The following DNMBP variants were observed in gnomAD, a reference collection of about 807,000 sequenced individuals.
DNMBP encodes dynamin binding protein, also known as dynamin-binding protein.
A neutral mutation model predicts 150.0 loss-of-function variants in DNMBP; 87 were observed. The observed-to-expected ratio is 0.58, with a 90% CI of 0.49 to 0.69. DNMBP has a LOEUF of 0.69. Among genes scored for constraint, DNMBP ranks in the 30% least tolerant of loss-of-function variants. The pLI, the probability that DNMBP is intolerant of heterozygous loss-of-function variation, is 0.00. For missense variants in DNMBP, 1,774 were observed against 1,949.0 expected (o/e 0.91, Z 1.69); for synonymous variants, 711 against 750.4 (o/e 0.95, Z 0.86).
At chr10:99,965,286 A>G (rs1421507813) in intron 3 of DNMBP, among the ~76,000 whole-genome samples, 1 of 152,154 alleles carries the variant, frequency 6.6e-6, no homozygotes, top group Non-Finnish European at 1.5e-5. Context: ...CACAGCTATT[A>G]AGTGGTGGAC....
At chr10:99,924,950 A>G (rs1269343671) in intron 4 of DNMBP, among the ~76,000 whole-genome samples, 1 of 152,096 alleles carries the variant, frequency 6.6e-6, no homozygotes, top group Non-Finnish European at 1.5e-5. Flanking sequence ...TCATATCCTT[A>G]TCACCACTGC....
intron 1 of DNMBP, among the ~76,000 whole-genome samples, chr10:100,005,395 G>A (rs1157626732): frequency 6.6e-6 from 1 of 152,082 alleles, no homozygotes; most frequent in African/African-American, 2.4e-5. Context: ...CAAACAGCAT[G>A]GGGTATAAAT....
chr10:99,939,590 T>C (rs1236012570), intron 4 of DNMBP, among the ~76,000 whole-genome samples: 2 of 152,250 alleles, frequency 1.3e-5, no homozygotes, highest in Non-Finnish European at 2.9e-5. Flanking sequence ...TAGTTTACAG[T>C]TGAAATGGAA....
At position 99,956,915 on chromosome 10, in the gene DNMBP, A is replaced by G; in HGVS notation, c.559T>C (p.Leu187=). 11 of 1,613,890 alleles carry G rather than the reference A, an allele frequency of 6.8e-6. No individual in the cohort carries two copies. Among genetic ancestry groups the G allele is most frequent in the Non-Finnish European group, 9.3e-6 (11 of 1,179,996 alleles). The part of the protein sequence containing the change: ...VPEPGWFEGE[L]EGRRGIFPEG... The stretch of plus-strand genomic sequence containing the variant: ...GGAAAAATGCCTCTTCGGCCCTCTA[A>G]CTCCCCTTCAAACCAGCCTGGTTCA... The change falls in exon 4 of 17, where the codon TTA becomes CTA. Residue 187 remains leucine, a synonymous_variant. Coordinates refer to ENST00000324109, the MANE Select transcript of DNMBP (RefSeq NM_015221.4).
chr10:99,883,731 C>T (rs1035268961), intron 15 of DNMBP, among the ~76,000 whole-genome samples: 3 of 150,764 alleles, frequency 2.0e-5, no homozygotes, highest in African/African-American at 4.9e-5. Flanking sequence ...AACAGGATTC[C>T]GTGAGGCAGG....
At chr10:99,909,243 G>A (rs2039871192) in intron 4 of DNMBP, 97 bp from the exon 5 acceptor site, 1 of 919,386 alleles carries the variant, frequency 1.1e-6, no homozygotes, top group Non-Finnish European at 1.6e-6. Flanking sequence ...GAGAACCAAA[G>A]GTCTCACTAT....
At chr10:100,004,020 C>T (rs1299125899) in intron 1 of DNMBP, among the ~76,000 whole-genome samples, 1 of 151,408 alleles carries the variant, frequency 6.6e-6, no homozygotes, top group African/African-American at 2.4e-5. Context: ...TTGCTGGAGC[C>T]CGGGAGTTCA....
At chr10:99,892,159 C>T (rs1256096168) in intron 11 of DNMBP, among the ~76,000 whole-genome samples, 5 of 141,914 alleles carry the variant, frequency 3.5e-5, no homozygotes, top group Admixed American at 3.4e-4. Context: ...CCGCCCCGTC[C>T]AGGAGGGAGG....
At chr10:99,984,048 G>A (rs1006499062) in intron 1 of DNMBP, among the ~76,000 whole-genome samples, 2 of 152,198 alleles carry the variant, frequency 1.3e-5, no homozygotes, top group Admixed American at 6.5e-5. Flanking sequence ...TCACAGTACA[G>A]TAGTTTTAAC....
Position 99,955,838 on chromosome 10 carries a change from T to C in DNMBP, c.1636A>G (p.Thr546Ala). 2 of 1,614,250 alleles carry C rather than the reference T, an allele frequency of 1.2e-6. No homozygotes were observed. Among genetic ancestry groups the C allele is most frequent in the Non-Finnish European group, 1.7e-6 (2 of 1,180,040 alleles). ...TGTGTCAGCTTCGAGTCCAGGTCAG[T>C]GCTGCCGTCTCCCTGTGAATGTGTT... Reference protein sequence around the residue: ...AATHSQGDGSTDLDSKLTQQL... With the variant: ...AATHSQGDGSADLDSKLTQQL... The change falls in exon 4 of 17, where the codon ACT becomes GCT. Residue 546 changes from threonine to alanine, a missense_variant. Around this residue, in one of 2 missense-constraint regions of DNMBP, gnomAD observed 1,430 missense variants for 1,492.5 expected, o/e 0.96. Coordinates refer to ENST00000324109, the MANE Select transcript of DNMBP (RefSeq NM_015221.4).
At chr10:99,962,488 G>C (rs1433943423) in intron 3 of DNMBP, among the ~76,000 whole-genome samples, 2 of 152,164 alleles carry the variant, frequency 1.3e-5, no homozygotes, top group Non-Finnish European at 2.9e-5. Flanking sequence ...AACGTTAGCC[G>C]GGTGTGGTGG....
chr10:99,935,876 T>A (rs1430584732), intron 4 of DNMBP, among the ~76,000 whole-genome samples: 1 of 152,154 alleles, frequency 6.6e-6, no homozygotes, highest in Admixed American at 6.5e-5. Flanking sequence ...AATTTTTTTT[T>A]AAATCAAGAG....
intron 1 of DNMBP, among the ~76,000 whole-genome samples, chr10:99,990,223 T>A (rs2040870907): frequency 6.6e-6 from 1 of 152,128 alleles, no homozygotes; most frequent in Admixed American, 6.6e-5. Flanking sequence ...TAGCGGCACC[T>A]GAAGATTTTT....
chr10:99,917,699 C>T (rs569436284), intron 4 of DNMBP, among the ~76,000 whole-genome samples: 21 of 152,116 alleles, frequency 1.4e-4, no homozygotes, highest in African/African-American at 5.1e-4. Flanking sequence ...GGCGCGGTGG[C>T]TCATGCCTGC....
At chr10:99,881,189 T>C (rs950575155) in intron 15 of DNMBP, among the ~76,000 whole-genome samples, 4 of 151,968 alleles carry the variant, frequency 2.6e-5, no homozygotes, top group African/African-American at 9.7e-5. Flanking sequence ...GACCATGCCA[T>C]TGCACTCCAA....
rs756845636 is a variant in DNMBP, at chr10:99,877,286, G to A, written c.4599C>T (p.Ser1533=). The change falls in exon 17 of 17, where the codon AGC becomes AGT. Residue 1533 remains serine, a synonymous_variant. Transcript: ENST00000324109. ...TFKARNPNEL[S]VSANQKLKIL... is the part of the protein sequence containing the mutation. ...TCTTGAGTTTCTGATTGGCTGACAC[G>A]CTCAGCTCATTTGGGTTTCGTGCCT... 24 of 1,613,894 alleles carry A rather than the reference G, an allele frequency of 1.5e-5. No individual in the cohort carries two copies. In the Admixed American group the frequency reaches 1.5e-4, roughly 10 times the overall value.
At chr10:99,998,397 G>A (rs368418870) in intron 1 of DNMBP, among the ~76,000 whole-genome samples, 1 of 151,886 alleles carries the variant, frequency 6.6e-6, no homozygotes, top group African/African-American at 2.4e-5. Context: ...GGGCAACATG[G>A]TGAAACCCTG....
chr10:99,925,363 T>C (rs1383015906), intron 4 of DNMBP, among the ~76,000 whole-genome samples: 1 of 152,212 alleles, frequency 6.6e-6, no homozygotes, highest in Non-Finnish European at 1.5e-5. Flanking sequence ...ATAAAATAAA[T>C]GGGTTGTATT....
At chr10:100,004,914 C>T (rs1275556802) in intron 1 of DNMBP, among the ~76,000 whole-genome samples, 1 of 152,030 alleles carries the variant, frequency 6.6e-6, no homozygotes, top group African/African-American at 2.4e-5. Context: ...ATCATTTCTG[C>T]AAGTCAACAG....
Sources: gnomAD v4.1 joint callset for allele counts (sites outside exome capture counted in the v4.1 genomes callset) on GRCh38, gnomAD v4.1.1 for gene constraint, gnomAD v4.1.1 regional missense constraint, MANE v1.5 for transcripts, NCBI Gene and HGNC (gene_info 2026-07-23, HGNC 2026-07-21) for gene names.